The following KLHL30 variants were observed in gnomAD, a reference collection of about 807,000 sequenced individuals.
KLHL30 encodes kelch like family member 30.
KLHL30 carries 55 observed loss-of-function variants against 55.0 expected under a neutral mutation model. The observed-to-expected ratio is 1.00, with a 90% CI of 0.80 to 1.25. KLHL30 has a LOEUF of 1.25. Among genes scored for constraint, KLHL30 ranks in the 50% most tolerant of loss-of-function variants. KLHL30 has a pLI of 0.00. For missense variants in KLHL30, 786 were observed against 811.6 expected (o/e 0.97, Z 0.38); for synonymous variants, 356 against 372.6 (o/e 0.96, Z 0.51).
chr2:238,142,697 A>G, intron 2 of KLHL30, 102 bp from the exon 3 acceptor site: 1 of 1,144,158 alleles, frequency 8.7e-7, no homozygotes, highest in Non-Finnish European at 1.1e-6. Context: ...GCAACATGCA[A>G]GCACACATGC....
chr2:238,145,062 C>A, intron 4 of KLHL30, 74 bp downstream of exon 4: 1 of 1,178,144 alleles, frequency 8.5e-7, no homozygotes, highest in Non-Finnish European at 1.2e-6. Flanking sequence ...TCCCCGCACT[C>A]CGTGGGGTCC....
At chr2:238,145,248 C>T (rs1223276179) in intron 4 of KLHL30, among the ~76,000 whole-genome samples, 2 of 152,234 alleles carry the variant, frequency 1.3e-5, no homozygotes, top group African/African-American at 2.4e-5. Flanking sequence ...CTGAGTGCCA[C>T]GCTGGCGTGG....
chr2:238,139,498 G>T (rs1245101753), intron 1 of KLHL30, among the ~76,000 whole-genome samples: 1 of 152,154 alleles, frequency 6.6e-6, no homozygotes, highest in Non-Finnish European at 1.5e-5. Flanking sequence ...GCGAGCCCGG[G>T]TTGGTCCGCG....
In KLHL30 at chr2:238,144,837, G is replaced by A. The variant is rs1000559754; in HGVS notation, c.908-65G>A. 3.3e-5 allele frequency: 39 copies of A among 1,197,284 alleles called. 1 individual carries two copies. The highest frequency in any genetic ancestry group is 2.7e-4 in the Admixed American group (14 of 51,944). 74.2% of individuals were successfully genotyped at this position (1,197,284 alleles called of 1,614,324 possible). A position where few individuals can be genotyped will look rare whatever the true frequency, so the allele number is the denominator to read the frequency against. ...TGCATGGAAAGGCACCTGGGAAGGGGGAGTGGGGACCACCCCAGCAGGGAG... is the reference window on the plus strand; with the variant it reads ...TGCATGGAAAGGCACCTGGGAAGGGAGAGTGGGGACCACCCCAGCAGGGAG... On this transcript the variant is annotated intron_variant, in intron 3 of 7. Coordinates refer to ENST00000409223, the MANE Select transcript of KLHL30 (RefSeq NM_198582.4).
rs1024280473 is a variant in KLHL30, at chr2:238,151,801, C to T, written c.*736C>T. Reference sequence around the variant, plus strand: ...GGCTGGAGGGTCCCAGGGAGGTGAGCAGTTTTGCTCTCAGAAGGGATTGCC... The same window carrying T: ...GGCTGGAGGGTCCCAGGGAGGTGAGTAGTTTTGCTCTCAGAAGGGATTGCC... On this transcript the variant is annotated 3_prime_UTR_variant, in exon 8 of 8. Coordinates refer to ENST00000409223, the MANE Select transcript of KLHL30 (RefSeq NM_198582.4). 1.2e-6 allele frequency: 1 copy of T among 834,920 alleles called. No individual in the cohort carries two copies. Among genetic ancestry groups the T allele is most frequent in the Non-Finnish European group, 1.4e-6 (1 of 692,492 alleles). The allele number at this position is 834,920 out of a possible 1,614,324, so 51.7% of individuals were successfully genotyped here. A position where few individuals can be genotyped will look rare whatever the true frequency, so the allele number is the denominator to read the frequency against.
intron 4 of KLHL30, 68 bp downstream of exon 4, chr2:238,145,056 C>T (rs1692623214): frequency 2.1e-5 from 27 of 1,272,798 alleles, no homozygotes; most frequent in South Asian, 1.1e-4. Context: ...TGCAACTCCC[C>T]GCACTCCGTG....
intron 1 of KLHL30, 33 bp from the exon 2 acceptor site, chr2:238,140,652 C>A: frequency 8.0e-7 from 1 of 1,253,830 alleles, no homozygotes; most frequent in Non-Finnish European, 1.1e-6. Flanking sequence ...GAGACCATCC[C>A]CACTTGGCTG....
Position 238,141,438 on chromosome 2 carries a change from C to T in KLHL30, c.684C>T (p.Pro228=), listed in dbSNP as rs1163523586. ...LLSLVHLDAV[P]RPCVQQLLAS... ...GCCTAGTGCACCTGGACGCCGTGCC[C>T]AGGCCCTGCGTGCAGCAACTGCTGG... is the stretch of plus-strand genomic sequence containing the variant. The change falls in exon 2 of 8, where the codon CCC becomes CCT. Residue 228 remains proline (P), a synonymous_variant. Coordinates refer to ENST00000409223, the MANE Select transcript of KLHL30 (RefSeq NM_198582.4). 2 of 1,549,750 alleles carry T rather than the reference C, an allele frequency of 1.3e-6. No individual in the cohort carries two copies. The highest frequency in any genetic ancestry group is 1.4e-5 in the African/African-American group (1 of 73,696).
At chr2:238,144,059 AT>A in intron 3 of KLHL30, among the ~76,000 whole-genome samples, 1 of 152,306 alleles carries the variant, frequency 6.6e-6, no homozygotes, top group Non-Finnish European at 1.5e-5. Context: ...TTTCCAAAGC[AT>A]TTTCTCATCT....
intron 7 of KLHL30, among the ~76,000 whole-genome samples, chr2:238,150,428 G>A (rs543123470): frequency 1.8e-4 from 27 of 151,612 alleles, no homozygotes; most frequent in African/African-American, 2.9e-4. Flanking sequence ...GGGAACCCAC[G>A]GTGGGCTTGT....
chr2:238,152,359 CTTTTTT>C lies in KLHL30; in HGVS notation c.*1315_*1320del. 1 of 98,264 alleles carries C rather than the reference CTTTTTT, an allele frequency of 1.0e-5. No homozygotes were observed. The highest frequency in any genetic ancestry group is 2.0e-5 in the Non-Finnish European group (1 of 50,588). 6.1% of individuals were successfully genotyped at this position (98,264 alleles called of 1,614,324 possible). A position where few individuals can be genotyped will look rare whatever the true frequency, so the allele number is the denominator to read the frequency against. ...TTGCTCCCAGACCTGCCTCTCATAG[CTTTTTT>C]TTTTTTTTTTTTTTTTTTTTGAGAC... On this transcript the variant is annotated 3_prime_UTR_variant, in exon 8 of 8. Coordinates refer to ENST00000409223, the MANE Select transcript of KLHL30 (RefSeq NM_198582.4).
chr2:238,140,243 G>A (rs987028086), intron 1 of KLHL30, among the ~76,000 whole-genome samples: 1 of 152,224 alleles, frequency 6.6e-6, no homozygotes, highest in Non-Finnish European at 1.5e-5. Context: ...CTGGCACCTG[G>A]GAGCACCGCG....
chr2:238,145,125 A>G, intron 4 of KLHL30, 137 bp downstream of exon 4: 1 of 740,588 alleles, frequency 1.4e-6, no homozygotes, highest in Non-Finnish European at 2.3e-6. Flanking sequence ...GAAAACAAGG[A>G]CATTTAAAAT....
chr2:238,147,813 G>C lies in KLHL30; in HGVS notation c.1151-21G>C. On this transcript the variant is annotated intron_variant, in intron 5 of 7. Transcript: ENST00000409223. The surrounding 1 kb of genome is among the most constrained non-coding windows in gnomAD (Gnocchi z 5.8). The stretch of plus-strand genomic sequence containing the variant: ...CCCCTCTCCTCCCCAGCCCTGAACT[G>C]CCCCCGCCCTCACCCCACAGGCACC... 7.0e-7 allele frequency: 1 copy of C among 1,430,458 alleles called. No individual in the cohort carries two copies. 88.6% of individuals were successfully genotyped at this position (1,430,458 alleles called of 1,614,324 possible).
At chr2:238,140,351 TG>T (rs991021913) in intron 1 of KLHL30, among the ~76,000 whole-genome samples, 7 of 152,262 alleles carry the variant, frequency 4.6e-5, no homozygotes, top group African/African-American at 1.4e-4. Flanking sequence ...CCGGGGTCCC[TG>T]GGGGGTGGGC....
At chr2:238,140,662 G>A in intron 1 of KLHL30, 23 bp from the exon 2 acceptor site, 2 of 1,359,896 alleles carry the variant, frequency 1.5e-6, no homozygotes, top group Non-Finnish European at 2.0e-6. Flanking sequence ...CCACTTGGCT[G>A]ACCCTGCTCT....
Position 238,147,945 on chromosome 2 carries a change from G to T in KLHL30, c.1262G>T (p.Arg421Leu). Residue 421 changes from arginine to leucine, a missense_variant, in exon 6 of 8, where the codon CGG (arginine) becomes CTG (leucine). Arg to Leu is a moderately radical substitution (Grantham distance 102, BLOSUM62 -2). Coordinates refer to ENST00000409223, the MANE Select transcript of KLHL30 (RefSeq NM_198582.4). This position sits in a 1 kb window ranked among gnomAD's most constrained non-coding sequence, Gnocchi z 5.8. Reference protein sequence around the residue: ...YVSNFSAAGCRGRLYLVGSSA... With the variant: ...YVSNFSAAGCLGRLYLVGSSA... ...AGCAACTTCTCGGCTGCCGGCTGCC[G>T]GGGCCGGCTCTACCTGGTGGGCTCC... 1.3e-6 allele frequency: 2 copies of T among 1,586,358 alleles called. No individual in the cohort carries two copies. Among genetic ancestry groups the T allele is most frequent in the East Asian group, 2.3e-5 (1 of 42,996 alleles).
chr2:238,140,652 C>T (rs2106310245), intron 1 of KLHL30, 33 bp from the exon 2 acceptor site: 2 of 1,253,832 alleles, frequency 1.6e-6, no homozygotes, highest in African/African-American at 1.5e-5. Context: ...GAGACCATCC[C>T]CACTTGGCTG....
chr2:238,144,369 CGGAA>C (rs72453433), intron 3 of KLHL30, among the ~76,000 whole-genome samples: 1,502 of 77,118 alleles, frequency 0.019, 9 homozygotes, highest in African/African-American at 0.022. Context: ...GGAGGGTGCT[CGGAA>C]GGAAGGAAGG....
Sources: allele counts gnomAD v4.1 joint callset (sites outside exome capture counted in the v4.1 genomes callset), GRCh38; gene constraint gnomAD v4.1.1; non-coding constraint Gnocchi (gnomAD v3.1); transcripts MANE v1.5; gene names NCBI Gene and HGNC (gene_info 2026-07-23, HGNC 2026-07-21).